KLHDC7A: variants seen among roughly 807,000 people sequenced by gnomAD.
The protein encoded by KLHDC7A is kelch domain containing 7A.
For missense variants in KLHDC7A, 1,123 were observed against 1,052.6 expected (o/e 1.07, Z -0.93); for synonymous variants, 464 against 461.0 (o/e 1.01, Z -0.08).
Position 18,483,467 on chromosome 1 carries a change from G to C in KLHDC7A, c.*152G>C. The C allele has an allele frequency of 1.4e-5, 20 of 1,461,970 alleles. No homozygotes were observed. Among genetic ancestry groups the C allele is most frequent in the Non-Finnish European group, 1.8e-5 (20 of 1,106,296 alleles). 90.6% of individuals were successfully genotyped at this position (1,461,970 alleles called of 1,614,324 possible). Reference sequence around the variant, plus strand: ...GGTCCTTTCTCCTCCCCTAGCTGGGGAGAGAGGGATCTTAGATGAGTCTTA... The same window carrying C: ...GGTCCTTTCTCCTCCCCTAGCTGGGCAGAGAGGGATCTTAGATGAGTCTTA... On this transcript the variant is annotated 3_prime_UTR_variant, in exon 1 of 1. Transcript: ENST00000400664.
rs567913889 is a variant in KLHDC7A, at chr1:18,481,505, C to T, written c.524C>T (p.Ala175Val). The change falls in exon 1 of 1, where the codon GCA becomes GTA. Residue 175 changes from alanine (A) to valine (V), a missense_variant. Physicochemically the swap from Ala to Val is moderately conservative, Grantham distance 64. Coordinates refer to ENST00000400664, the MANE Select transcript of KLHDC7A (RefSeq NM_152375.3). ...AGCTCCCCAGCTGGACTCATTGCAG[C>T]AGCCGACGGCAGCTGTGCCGGTGGT... ...PKSSPAGLIA[A>V]ADGSCAGGEP... is the part of the protein sequence containing the mutation. 1 of 1,613,354 alleles carries T rather than the reference C, an allele frequency of 6.2e-7. No homozygotes were observed. The highest frequency in any genetic ancestry group is 1.1e-5 in the South Asian group (1 of 91,078).
At position 18,483,699 on chromosome 1, in the gene KLHDC7A, C is replaced by G. The variant is rs752228249; in HGVS notation, c.*384C>G. On this transcript the variant is annotated 3_prime_UTR_variant, in exon 1 of 1. Coordinates refer to ENST00000400664, the MANE Select transcript of KLHDC7A (RefSeq NM_152375.3). ...GAGCCAGTTGACCCCAGCAGCCCCT[C>G]GCTAGTTGCTCTGGAGAGGGGTTGG... 2.5e-6 allele frequency: 3 copies of G among 1,193,710 alleles called. No homozygotes were observed. In the South Asian group the frequency reaches 5.2e-5, roughly 21 times the overall value. The allele number at this position is 1,193,710 out of a possible 1,614,324, so 73.9% of individuals were successfully genotyped here. A position where few individuals can be genotyped will look rare whatever the true frequency, so the allele number is the denominator to read the frequency against.
In KLHDC7A at chr1:18,481,795, G is replaced by C; in HGVS notation, c.814G>C (p.Glu272Gln). 1 of 1,614,160 alleles carries C rather than the reference G, an allele frequency of 6.2e-7. No homozygotes were observed. ...FSSIARVRME[E>Q]HFIQKAEGVE... ...ATCCATAGCCCGCGTCCGAATGGAG[G>C]AGCATTTCATACAGAAGGCGGAGGG... Residue 272 changes from glutamate (E) to glutamine (Q), a missense_variant, in exon 1 of 1, where the codon GAG becomes CAG. Coordinates refer to ENST00000400664, the MANE Select transcript of KLHDC7A (RefSeq NM_152375.3).
rs749625589 is a variant in KLHDC7A at position 18,482,267 on chromosome 1, G to A, written c.1286G>A (p.Arg429His). Residue 429 changes from arginine to histidine, a missense_variant, in exon 1 of 1, where the codon CGC becomes CAC. Coordinates refer to ENST00000400664, the MANE Select transcript of KLHDC7A (RefSeq NM_152375.3). ...PLTPASAPQV[R>H]LDLGNCYEVL... is the part of the protein sequence containing the mutation. ...ACCCCTGCTTCAGCCCCACAGGTCC[G>A]CCTGGATCTGGGCAATTGCTATGAG... 12 of 1,604,408 alleles carry A rather than the reference G, an allele frequency of 7.5e-6. No homozygotes were observed. The highest frequency in any genetic ancestry group is 9.3e-6 in the Non-Finnish European group (11 of 1,179,948).
chr1:18,483,843 C>T lies in KLHDC7A; in HGVS notation c.*528C>T, dbSNP rs1438193676. 3 of 1,246,638 alleles carry T rather than the reference C, an allele frequency of 2.4e-6. No homozygotes were observed. The highest frequency in any genetic ancestry group is 2.8e-5 in the Admixed American group (1 of 35,638). The allele number at this position is 1,246,638 out of a possible 1,614,324, so 77.2% of individuals were successfully genotyped here. On this transcript the variant is annotated 3_prime_UTR_variant, in exon 1 of 1. Transcript: ENST00000400664. ...TGGAGGCAGGTGACTTGGGCAGGGC[C>T]AGGAAGGAGCCGAGGGAGCCCCAGG...
At position 18,483,157 on chromosome 1, in the gene KLHDC7A, T is replaced by G; in HGVS notation, c.2176T>G (p.Tyr726Asp). 8 of 1,614,074 alleles carry G rather than the reference T, an allele frequency of 5.0e-6. No individual in the cohort carries two copies. Among genetic ancestry groups the G allele is most frequent in the Non-Finnish European group, 5.9e-6 (7 of 1,180,038 alleles). Reference protein sequence around the residue: ...FQCAVVDNLIYCVGRRSTLCF... With the variant: ...FQCAVVDNLIDCVGRRSTLCF... ...GTGCGCCGTGGTGGACAACCTCATCTACTGCGTGGGACGCCGGAGCACCCT... is the reference window on the plus strand; with the variant it reads ...GTGCGCCGTGGTGGACAACCTCATCGACTGCGTGGGACGCCGGAGCACCCT... The change falls in exon 1 of 1, where the codon TAC (tyrosine) becomes GAC (aspartate). Residue 726 changes from tyrosine to aspartate, a missense_variant. Coordinates refer to ENST00000400664, the MANE Select transcript of KLHDC7A (RefSeq NM_152375.3).
In KLHDC7A at chr1:18,485,220, C is replaced by A. The variant is rs748434437; in HGVS notation, c.*1905C>A. 1 of 166,932 alleles carries A rather than the reference C, an allele frequency of 6.0e-6. No individual in the cohort carries two copies. The highest frequency in any genetic ancestry group is 2.1e-4 in the South Asian group (1 of 4,788). The allele number at this position is 166,932 out of a possible 1,614,324, so 10.3% of individuals were successfully genotyped here. ...GGTGGACCTAGATCCAACCTTCAACCCCTAGTGAGGGGCCAGGCAGAGGAC... is the reference window on the plus strand; with the variant it reads ...GGTGGACCTAGATCCAACCTTCAACACCTAGTGAGGGGCCAGGCAGAGGAC... On this transcript the variant is annotated 3_prime_UTR_variant, in exon 1 of 1. Coordinates refer to ENST00000400664, the MANE Select transcript of KLHDC7A (RefSeq NM_152375.3).
rs3007719 is a variant in KLHDC7A at position 18,485,174 on chromosome 1, T to C, written c.*1859T>C. The C allele has an allele frequency of 0.69, 115,635 of 166,556 alleles. 40,360 individuals carry two copies. Among genetic ancestry groups the C allele is most frequent in the East Asian group, 0.89 (4,479 of 5,030 alleles). The allele number at this position is 166,556 out of a possible 1,614,324, so 10.3% of individuals were successfully genotyped here. On this transcript the variant is annotated 3_prime_UTR_variant, in exon 1 of 1. Transcript: ENST00000400664. ...GGAAGGACTTGCTTGGGAGGAGAAC[T>C]CTACATAGGAGCTGGGGGCAGGTGG...
Position 18,482,238 on chromosome 1 carries a change from G to A in KLHDC7A, c.1257G>A (p.Pro419=), listed in dbSNP as rs766245317. The part of the protein sequence containing the change: ...PVAGTNFFHI[P]LTPASAPQVR... ...CCGGGACCAATTTCTTCCATATCCC[G>A]CTCACCCCTGCTTCAGCCCCACAGG... The change falls in exon 1 of 1, where the codon CCG becomes CCA. Residue 419 remains proline (P), a synonymous_variant. Coordinates refer to ENST00000400664, the MANE Select transcript of KLHDC7A (RefSeq NM_152375.3). 3.1e-6 allele frequency: 5 copies of A among 1,606,808 alleles called. No homozygotes were observed. Among genetic ancestry groups the A allele is most frequent in the South Asian group, 2.2e-5 (2 of 91,090 alleles).
chr1:18,482,587 T>G lies in KLHDC7A; in HGVS notation c.1606T>G (p.Cys536Gly). ...PEAVSRGCAI[C>G]SLFNYLFVVS... ...GGCCGTGTCCCGGGGCTGTGCCATC[T>G]GCAGTCTCTTCAATTATCTCTTCGT... The change falls in exon 1 of 1, where the codon TGC becomes GGC. Residue 536 changes from cysteine (C) to glycine (G), a missense_variant. Physicochemically the swap from Cys to Gly is radical, Grantham distance 159. Transcript: ENST00000400664. 6.2e-7 allele frequency: 1 copy of G among 1,611,680 alleles called. No individual in the cohort carries two copies. Among genetic ancestry groups the G allele is most frequent in the Non-Finnish European group, 8.5e-7 (1 of 1,179,904 alleles).
In KLHDC7A at chr1:18,481,632, T is replaced by G. The variant is rs750654279; in HGVS notation, c.651T>G (p.Ser217Arg). Residue 217 changes from serine (S) to arginine (R), a missense_variant, in exon 1 of 1, where the codon AGT becomes AGG. By Grantham distance (110) the Ser-to-Arg change is moderately radical (BLOSUM62 -1). Coordinates refer to ENST00000400664, the MANE Select transcript of KLHDC7A (RefSeq NM_152375.3). ...ACGTGGCTCCCTTGCAAGGCAGCAG[T>G]GACATGAACCAGAGCTGGGTCTTCA... is the stretch of plus-strand genomic sequence containing the variant. ...CHYVAPLQGS[S>R]DMNQSWVFTR... The G allele has an allele frequency of 1.9e-6, 3 of 1,613,954 alleles. No individual in the cohort carries two copies. In the Admixed American group the frequency reaches 5.0e-5, roughly 27 times the overall value.
At position 18,483,820 on chromosome 1, in the gene KLHDC7A, G is replaced by C; in HGVS notation, c.*505G>C. The C allele has an allele frequency of 8.2e-7, 1 of 1,221,400 alleles. No individual in the cohort carries two copies. Among genetic ancestry groups the C allele is most frequent in the Non-Finnish European group, 1.1e-6 (1 of 952,254 alleles). 75.7% of individuals were successfully genotyped at this position (1,221,400 alleles called of 1,614,324 possible). ...CCGGGACACACAGGTGGGAAAGATG[G>C]AGGCAGGTGACTTGGGCAGGGCCAG... is the stretch of plus-strand genomic sequence containing the variant. On this transcript the variant is annotated 3_prime_UTR_variant, in exon 1 of 1. Transcript: ENST00000400664.
Position 18,481,851 on chromosome 1 carries a change from C to G in KLHDC7A, c.870C>G (p.Tyr290Ter). 6.2e-7 allele frequency: 1 copy of G among 1,613,990 alleles called. No individual in the cohort carries two copies. The highest frequency in any genetic ancestry group is 8.5e-7 in the Non-Finnish European group (1 of 1,179,964). Residue 290 changes from tyrosine (Y) to a stop codon, truncating the protein, a stop_gained, in exon 1 of 1, where the codon TAC (tyrosine) becomes TAG (stop). Transcript: ENST00000400664. LOFTEE classifies it low-confidence loss of function (END_TRUNC). ...GVEPRLKGKV[Y>*]DYYVESTSQA... Reference sequence around the variant, plus strand: ...AGCCCCGGCTCAAGGGCAAGGTGTACGACTACTATGTGGAATCTACCTCTC... The same window carrying G: ...AGCCCCGGCTCAAGGGCAAGGTGTAGGACTACTATGTGGAATCTACCTCTC...
chr1:18,484,109 G>C lies in KLHDC7A; in HGVS notation c.*794G>C, dbSNP rs2086918767. On this transcript the variant is annotated 3_prime_UTR_variant, in exon 1 of 1. Coordinates refer to ENST00000400664, the MANE Select transcript of KLHDC7A (RefSeq NM_152375.3). The stretch of plus-strand genomic sequence containing the variant: ...AAGGGCCACCCTGCTCCTCGGCCCT[G>C]CCCATGTTAACTGACCATTGCACTC... The C allele has an allele frequency of 8.9e-7, 1 of 1,123,102 alleles. No individual in the cohort carries two copies. Among genetic ancestry groups the C allele is most frequent in the African/African-American group, 1.6e-5 (1 of 62,116 alleles). 69.6% of individuals were successfully genotyped at this position (1,123,102 alleles called of 1,614,324 possible).
rs80110591 is a variant in KLHDC7A, at chr1:18,483,051, C to T, written c.2070C>T (p.Ile690=). Residue 690 remains isoleucine, a synonymous_variant, in exon 1 of 1, where the codon ATC becomes ATT. Coordinates refer to ENST00000400664, the MANE Select transcript of KLHDC7A (RefSeq NM_152375.3). The stretch of plus-strand genomic sequence containing the variant: ...TTGACCTCAACCGCAGCCTGGGCAT[C>T]GCCGTGTACCGCTGCAGCGCCAGCA... ...YRFDLNRSLG[I]AVYRCSASTR... is the part of the protein sequence containing the mutation. The T allele has an allele frequency of 1.9e-6, 3 of 1,613,618 alleles. No individual in the cohort carries two copies. The highest frequency in any genetic ancestry group is 1.3e-5 in the African/African-American group (1 of 75,042).
At position 18,482,416 on chromosome 1, in the gene KLHDC7A, G is replaced by C; in HGVS notation, c.1435G>C (p.Glu479Gln). 6.2e-7 allele frequency: 1 copy of C among 1,608,232 alleles called. No individual in the cohort carries two copies. ...CATCTACGGGTGCCTGAGCGGGGCA[G>C]AGCGCGAGCTGATCCTGCAGCGCCG... ...PDIYGCLSGA[E>Q]RELILQRRLR... The change falls in exon 1 of 1, where the codon GAG (glutamate) becomes CAG (glutamine). Residue 479 changes from glutamate to glutamine, a missense_variant. By Grantham distance (29) the Glu-to-Gln change is conservative. Coordinates refer to ENST00000400664, the MANE Select transcript of KLHDC7A (RefSeq NM_152375.3).
At position 18,482,564 on chromosome 1, in the gene KLHDC7A, C is replaced by A. The variant is rs1359373264; in HGVS notation, c.1583C>A (p.Ala528Asp). 39 of 1,611,844 alleles carry A rather than the reference C, an allele frequency of 2.4e-5. No homozygotes were observed. Among genetic ancestry groups the A allele is most frequent in the Non-Finnish European group, 3.2e-5 (38 of 1,179,938 alleles). Residue 528 changes from alanine to aspartate, a missense_variant, in exon 1 of 1, where the codon GCC (alanine) becomes GAC (aspartate). Coordinates refer to ENST00000400664, the MANE Select transcript of KLHDC7A (RefSeq NM_152375.3). Reference protein sequence around the residue: ...WRPLARMPPEAVSRGCAICSL... With the variant: ...WRPLARMPPEDVSRGCAICSL... ...CCGCTGGCTCGCATGCCCCCCGAGG[C>A]CGTGTCCCGGGGCTGTGCCATCTGC...
Position 18,481,058 on chromosome 1 carries a change from C to T in KLHDC7A, c.77C>T (p.Ala26Val), listed in dbSNP as rs530575072. The T allele has an allele frequency of 2.0e-5, 33 of 1,613,734 alleles. No individual in the cohort carries two copies. The highest frequency in any genetic ancestry group is 3.3e-4 in the Middle Eastern group (2 of 6,004). The change falls in exon 1 of 1, where the codon GCT becomes GTT. Residue 26 changes from alanine to valine, a missense_variant. Physicochemically the swap from Ala to Val is moderately conservative, Grantham distance 64. Transcript: ENST00000400664. ...ACCGGCAAGGTGGTGCTGTCAGCCG[C>T]TGCCCTGCTCCTGGTGACTGTGGCC... Reference protein sequence around the residue: ...QLTGKVVLSAAALLLVTVAYR... With the variant: ...QLTGKVVLSAVALLLVTVAYR...
In KLHDC7A at chr1:18,481,677, C is replaced by T. The variant is rs1319163038; in HGVS notation, c.696C>T (p.Ser232=). Reference sequence around the variant, plus strand: ...TCTTCACCCGTGTGATAGGGGTCAGCAGAGAAGAGGCTGGGGCTCTCGAGG... The same window carrying T: ...TCTTCACCCGTGTGATAGGGGTCAGTAGAGAAGAGGCTGGGGCTCTCGAGG... The part of the protein sequence containing the change: ...SWVFTRVIGV[S]REEAGALEAA... The change falls in exon 1 of 1, where the codon AGC becomes AGT. Residue 232 remains serine (S), a synonymous_variant. Coordinates refer to ENST00000400664, the MANE Select transcript of KLHDC7A (RefSeq NM_152375.3). The T allele has an allele frequency of 9.9e-6, 16 of 1,614,120 alleles. No individual in the cohort carries two copies. Among genetic ancestry groups the T allele is most frequent in the Non-Finnish European group, 1.3e-5 (15 of 1,180,038 alleles).
Sources: allele counts gnomAD v4.1 joint callset, GRCh38; gene constraint gnomAD v4.1.1; transcripts MANE v1.5; gene names NCBI Gene and HGNC (gene_info 2026-07-23, HGNC 2026-07-21).